RAD54L2: variants seen among roughly 807,000 people sequenced by gnomAD.
RAD54L2 encodes helicase ARIP4.
A neutral mutation model predicts 138.4 loss-of-function variants in RAD54L2; 27 were observed. The observed-to-expected ratio is 0.20, with a 90% CI of 0.14 to 0.27. The LOEUF (loss-of-function observed/expected upper bound fraction) is 0.27. RAD54L2 is among the 10% of genes least tolerant of loss of function. The probability of loss-of-function intolerance (pLI) is 1.00; values close to 1 mark genes in which losing one functional copy is unlikely to be tolerated. For missense variants in RAD54L2, 1,396 were observed against 1,890.2 expected, an observed-to-expected ratio of 0.74 and a Z score of 4.85; for synonymous variants, 644 against 723.2, an observed-to-expected ratio of 0.89 and a Z score of 1.76.
chr3:51,618,274 A>C (rs996562514), intron 3 of RAD54L2, among the ~76,000 whole-genome samples: 1 of 151,522 alleles, frequency 6.6e-6, no homozygotes, highest in African/African-American at 2.4e-5. Context: ...ACTGCACCAG[A>C]TTGTGGCCAG....
chr3:51,586,987 C>A (rs1220420408), intron 2 of RAD54L2, among the ~76,000 whole-genome samples: 1 of 152,138 alleles, frequency 6.6e-6, no homozygotes, highest in African/African-American at 2.4e-5. Flanking sequence ...AAATAAATTT[C>A]ACTGCAAATA....
intron 3 of RAD54L2, among the ~76,000 whole-genome samples, chr3:51,625,680 G>A (rs929227178): frequency 3.3e-5 from 5 of 151,670 alleles, no homozygotes; most frequent in Non-Finnish European, 2.9e-5. Context: ...CCAACATATC[G>A]AGACCTTGTC....
At chr3:51,576,539 T>A (rs936750290) in intron 2 of RAD54L2, among the ~76,000 whole-genome samples, 1 of 152,186 alleles carries the variant, frequency 6.6e-6, no homozygotes, top group African/African-American at 2.4e-5. Context: ...GTTATTGGTC[T>A]ATTGAGGGAT....
intron 2 of RAD54L2, among the ~76,000 whole-genome samples, chr3:51,585,049 G>A (rs1577403956): frequency 2.0e-5 from 3 of 151,698 alleles, no homozygotes; most frequent in Non-Finnish European, 2.9e-5. Context: ...GGGCTCAAAC[G>A]ATTCTCCTGC....
At chr3:51,546,640 CAA>C (rs1698703247) in intron 2 of RAD54L2, among the ~76,000 whole-genome samples, 1 of 151,358 alleles carries the variant, frequency 6.6e-6, no homozygotes, top group Non-Finnish European at 1.5e-5. Flanking sequence ...AACTGCGTCT[CAA>C]AAACAAAAAA....
In RAD54L2 at chr3:51,645,664, T is replaced by G; in HGVS notation, c.2730T>G (p.Val910=). 1 of 1,612,516 alleles carries G rather than the reference T, an allele frequency of 6.2e-7. No individual in the cohort carries two copies. The highest frequency in any genetic ancestry group is 8.5e-7 in the Non-Finnish European group (1 of 1,179,284). Reference sequence around the variant, plus strand: ...AGGTGGAAAACCTACTGCACTTTGTTGAGAAGGAGCCAGCTCCCCAAGTTT... The same window carrying G: ...AGGTGGAAAACCTACTGCACTTTGTGGAGAAGGAGCCAGCTCCCCAAGTTT... The part of the protein sequence containing the change: ...RKEVENLLHF[V]EKEPAPQVSL... The change falls in exon 18 of 23, where the codon GTT becomes GTG. Residue 910 remains valine (V), a synonymous_variant. Coordinates refer to ENST00000684192, the MANE Select transcript of RAD54L2 (RefSeq NM_015106.4). This position sits in a 1 kb window ranked among gnomAD's most constrained non-coding sequence, Gnocchi z 6.1.
intron 19 of RAD54L2, among the ~76,000 whole-genome samples, chr3:51,652,100 A>G (rs1403834438): frequency 1.3e-5 from 2 of 152,240 alleles, no homozygotes; most frequent in African/African-American, 4.8e-5. Context: ...CTCAGGGTAC[A>G]ATATCAGTGT....
At position 51,663,011 on chromosome 3, in the gene RAD54L2, T is replaced by G. The variant is rs1701823269; in HGVS notation, c.3995T>G (p.Leu1332Trp). Residue 1332 changes from leucine (L) to tryptophan (W), a missense_variant, in exon 23 of 23, where the codon TTG (leucine) becomes TGG (tryptophan). This residue lies in a region of RAD54L2 where 634 missense variants were observed against 711.2 expected (regional missense o/e 0.89). Coordinates refer to ENST00000684192, the MANE Select transcript of RAD54L2 (RefSeq NM_015106.4). ...STPSYYQLSN[L>W]LADARLVFPV... is the part of the protein sequence containing the mutation. The stretch of plus-strand genomic sequence containing the variant: ...CCCTCCTACTACCAGCTGTCCAATT[T>G]GCTGGCAGATGCCCGCCTGGTGTTT... 1.2e-6 allele frequency: 2 copies of G among 1,613,838 alleles called. No individual in the cohort carries two copies. The highest frequency in any genetic ancestry group is 8.5e-7 in the Non-Finnish European group (1 of 1,179,888).
chr3:51,557,180 CTTTTTTTTTTTTTTTTTT>C (rs58428110), intron 2 of RAD54L2, among the ~76,000 whole-genome samples: 3 of 113,342 alleles, frequency 2.6e-5, no homozygotes, highest in South Asian at 3.0e-4. Flanking sequence ...TTGTTGTTGG[CTTTTTTTTTTTTTTTTTT>C]TTTTTTTTTG....
intron 3 of RAD54L2, among the ~76,000 whole-genome samples, chr3:51,611,966 T>G (rs1700343211): frequency 6.6e-6 from 1 of 152,106 alleles, no homozygotes; most frequent in Non-Finnish European, 1.5e-5. Flanking sequence ...ATCCTTAATG[T>G]GTGGTGATGG....
chr3:51,574,829 G>A (rs1222683605), intron 2 of RAD54L2, among the ~76,000 whole-genome samples: 2 of 152,144 alleles, frequency 1.3e-5, no homozygotes, highest in Admixed American at 6.5e-5. Context: ...TTCTTTTGCT[G>A]TGCAGAATCT....
At chr3:51,569,588 T>G (rs994359744) in intron 2 of RAD54L2, among the ~76,000 whole-genome samples, 1 of 152,278 alleles carries the variant, frequency 6.6e-6, no homozygotes, top group African/African-American at 2.4e-5. Context: ...TTTACCATGT[T>G]GGCCAGGCTG....
chr3:51,618,688 C>T (rs1055000570), intron 3 of RAD54L2, among the ~76,000 whole-genome samples: 1 of 152,184 alleles, frequency 6.6e-6, no homozygotes, highest in East Asian at 1.9e-4. Flanking sequence ...AGATCTTGGA[C>T]TTTGAGCTGA....
chr3:51,568,809 G>T (rs1297141459), intron 2 of RAD54L2, among the ~76,000 whole-genome samples: 6 of 152,118 alleles, frequency 3.9e-5, no homozygotes, highest in Non-Finnish European at 5.9e-5. Context: ...GGAATGTAGT[G>T]CTATCTTTCA....
At chr3:51,587,504 C>T (rs1006780588) in intron 2 of RAD54L2, among the ~76,000 whole-genome samples, 1 of 152,198 alleles carries the variant, frequency 6.6e-6, no homozygotes, top group South Asian at 2.1e-4. Context: ...CATTTATCCC[C>T]TGTCCCTTAA....
intron 2 of RAD54L2, among the ~76,000 whole-genome samples, chr3:51,561,161 C>T (rs72951474): frequency 0.021 from 3,270 of 152,306 alleles, 122 homozygotes; most frequent in African/African-American, 0.074. Context: ...TCCCATACTT[C>T]CTACTTTATG....
chr3:51,651,174 T>G (rs924559281), intron 19 of RAD54L2, among the ~76,000 whole-genome samples: 3 of 152,132 alleles, frequency 2.0e-5, no homozygotes, highest in African/African-American at 7.2e-5. Context: ...GCAAATAAAC[T>G]AGAAAATCTA....
intron 7 of RAD54L2, among the ~76,000 whole-genome samples, chr3:51,633,146 G>A (rs1700891994): frequency 6.6e-6 from 1 of 152,120 alleles, no homozygotes; most frequent in Non-Finnish European, 1.5e-5. Context: ...CTTGAACCCG[G>A]GAGGCAGAGG....
intron 19 of RAD54L2, among the ~76,000 whole-genome samples, chr3:51,649,548 A>G (rs551583788): frequency 7.9e-5 from 12 of 152,338 alleles, no homozygotes; most frequent in African/African-American, 2.6e-4. Flanking sequence ...AGCCAGAGAG[A>G]AAGGTCGGGT....
Sources: gnomAD v4.1 joint callset for allele counts (sites outside exome capture counted in the v4.1 genomes callset) on GRCh38, gnomAD v4.1.1 for gene constraint, gnomAD v4.1.1 regional missense constraint, Gnocchi (gnomAD v3.1) non-coding constraint, MANE v1.5 for transcripts, NCBI Gene and HGNC (gene_info 2026-07-23, HGNC 2026-07-21) for gene names.